Variants in ACKR2 observed in about 807,000 individuals in gnomAD.
ACKR2 encodes the protein atypical chemokine receptor 2.
For synonymous variants in ACKR2, 207 were observed against 192.2 expected, an observed-to-expected ratio of 1.08 and a Z score of -0.64; for missense variants, 457 against 477.3, an observed-to-expected ratio of 0.96 and a Z score of 0.40.
chr3:42,838,469 G>A (rs77691759), intron 2 of ACKR2, among the ~76,000 whole-genome samples: 1 of 152,124 alleles, frequency 6.6e-6, no homozygotes, highest in Admixed American at 6.5e-5. Flanking sequence ...TAGTTCATAA[G>A]GAAATGCAAA....
At chr3:42,850,355 T>C (rs999642225) in intron 2 of ACKR2, among the ~76,000 whole-genome samples, 5 of 152,154 alleles carry the variant, frequency 3.3e-5, no homozygotes, top group Non-Finnish European at 5.9e-5. Context: ...AGGGACTATC[T>C]GTACCCCCAA....
intron 2 of ACKR2, among the ~76,000 whole-genome samples, chr3:42,820,411 G>A (rs1700796689): frequency 6.6e-6 from 1 of 151,900 alleles, no homozygotes; most frequent in Non-Finnish European, 1.5e-5. Context: ...GGCTAACATG[G>A]TGAAACCCCA....
At chr3:42,861,210 T>A (rs985162422) in intron 2 of ACKR2, among the ~76,000 whole-genome samples, 8 of 152,036 alleles carry the variant, frequency 5.3e-5, no homozygotes, top group Non-Finnish European at 1.2e-4. Context: ...AAATACAAAC[T>A]ACGATCAGAG....
rs1559695382 is a variant in ACKR2, at chr3:42,865,919, T to TCC, written c.*263_*264insCC. 4.0e-5 allele frequency: 14 copies of TCC among 351,066 alleles called. No individual in the cohort carries two copies. Among genetic ancestry groups the TCC allele is most frequent in the Non-Finnish European group, 7.6e-5 (14 of 184,130 alleles). 21.7% of individuals were successfully genotyped at this position (351,066 alleles called of 1,614,324 possible). A position where few individuals can be genotyped will look rare whatever the true frequency, so the allele number is the denominator to read the frequency against. On this transcript the variant is annotated 3_prime_UTR_variant, in exon 3 of 3. Transcript: ENST00000422265. ...GCTTCCTTCCTTCCTTCCTTCCCTC[T>TCC]CTCCCTCCCTCCCTCCCTCGCTTCT...
chr3:42,835,315 T>C (rs1285689645), intron 2 of ACKR2: 2 of 151,852 alleles, frequency 1.3e-5, no homozygotes, highest in Non-Finnish European at 2.9e-5. Flanking sequence ...TGCTGTGTGG[T>C]GTTGGTGAGG....
chr3:42,847,195 A>G (rs916916951), intron 2 of ACKR2, among the ~76,000 whole-genome samples: 1 of 152,224 alleles, frequency 6.6e-6, no homozygotes, highest in Non-Finnish European at 1.5e-5. Context: ...ATTTCAAACA[A>G]ATGCATTTGT....
In ACKR2 at chr3:42,865,052, CAGACACAT is replaced by C; in HGVS notation, c.551_558del (p.Gln184ArgfsTer99). The C allele has an allele frequency of 3.7e-6, 6 of 1,614,136 alleles. No homozygotes were observed. The highest frequency in any genetic ancestry group is 5.1e-6 in the Non-Finnish European group (6 of 1,180,022). On this transcript the variant is annotated frameshift_variant, in exon 3 of 3. Coordinates refer to ENST00000422265, the MANE Select transcript of ACKR2 (RefSeq NM_001296.5). LOFTEE classifies it low-confidence loss of function (END_TRUNC). ...CTCCATCCCTGATATGGTCTTTGTACAGACACATGAAAATCCCAAGGGTGTGTGGAACT... is the reference window on the plus strand; with the variant it reads ...CTCCATCCCTGATATGGTCTTTGTACGAAAATCCCAAGGGTGTGTGGAACT...
chr3:42,861,691 G>T (rs151215058), intron 2 of ACKR2, among the ~76,000 whole-genome samples: 3 of 152,302 alleles, frequency 2.0e-5, no homozygotes, highest in African/African-American at 7.2e-5. Context: ...TCATCCCTGG[G>T]ATGCAAGGTT....
At chr3:42,813,786 GA>G (rs1700719252) in intron 1 of ACKR2, among the ~76,000 whole-genome samples, 1 of 152,180 alleles carries the variant, frequency 6.6e-6, no homozygotes, top group Admixed American at 6.5e-5. Flanking sequence ...CATAAAGACT[GA>G]AAACTGCCAT....
At chr3:42,837,577 A>G (rs1345651029) in intron 2 of ACKR2, among the ~76,000 whole-genome samples, 1 of 152,060 alleles carries the variant, frequency 6.6e-6, no homozygotes, top group Non-Finnish European at 1.5e-5. Flanking sequence ...CAGCAGATAG[A>G]TGGATGCAGA....
At chr3:42,846,922 G>A (rs776157520) in intron 2 of ACKR2, among the ~76,000 whole-genome samples, 2 of 152,144 alleles carry the variant, frequency 1.3e-5, no homozygotes, top group Non-Finnish European at 2.9e-5. Context: ...GCAAAAAGGA[G>A]CAAATAATTA....
At chr3:42,843,074 T>TTTTC (rs1250299028) in intron 2 of ACKR2, among the ~76,000 whole-genome samples, 7 of 146,088 alleles carry the variant, frequency 4.8e-5, no homozygotes, top group African/African-American at 1.3e-4. Context: ...ATTTATTTAT[T>TTTTC]ATTCATTATT....
intron 2 of ACKR2, among the ~76,000 whole-genome samples, chr3:42,829,893 G>A (rs190035948): frequency 2.8e-4 from 43 of 152,300 alleles, no homozygotes; most frequent in African/African-American, 1.0e-3. Context: ...GAGTTTAGGG[G>A]CAGCAGGTCA....
At chr3:42,813,461 C>G (rs1291279398) in intron 1 of ACKR2, among the ~76,000 whole-genome samples, 2 of 152,146 alleles carry the variant, frequency 1.3e-5, no homozygotes, top group African/African-American at 4.8e-5. Flanking sequence ...ACTTAACAAT[C>G]ATGGTGGAAG....
At chr3:42,850,325 C>T (rs1207473348) in intron 2 of ACKR2, among the ~76,000 whole-genome samples, 1 of 152,080 alleles carries the variant, frequency 6.6e-6, no homozygotes, top group East Asian at 1.9e-4. Context: ...TGGGACATTC[C>T]GTTCTCTGAC....
intron 1 of ACKR2, among the ~76,000 whole-genome samples, chr3:42,810,441 T>C (rs1476279184): frequency 2.0e-5 from 3 of 152,054 alleles, no homozygotes; most frequent in African/African-American, 7.2e-5. Flanking sequence ...TTCGCCTTTT[T>C]TCCTCTTTGC....
intron 2 of ACKR2, among the ~76,000 whole-genome samples, chr3:42,830,576 G>A (rs1700921749): frequency 6.6e-6 from 1 of 152,198 alleles, no homozygotes; most frequent in African/African-American, 2.4e-5. Context: ...AAGAGGTGTA[G>A]TGCAGGACAC....
At chr3:42,813,689 C>A (rs1204275852) in intron 1 of ACKR2, among the ~76,000 whole-genome samples, 2 of 152,192 alleles carry the variant, frequency 1.3e-5, no homozygotes, top group Non-Finnish European at 2.9e-5. Context: ...GGACACAAAC[C>A]ATATCATACA....
At chr3:42,832,622 C>G (rs1052841255) in intron 2 of ACKR2, among the ~76,000 whole-genome samples, 1 of 152,204 alleles carries the variant, frequency 6.6e-6, no homozygotes, top group Non-Finnish European at 1.5e-5. Context: ...GCATACGGAA[C>G]GCACAGCAAT....
Sources: gnomAD v4.1 joint callset for allele counts (sites outside exome capture counted in the v4.1 genomes callset) on GRCh38, gnomAD v4.1.1 for gene constraint, MANE v1.5 for transcripts, NCBI Gene and HGNC (gene_info 2026-07-23, HGNC 2026-07-21) for gene names.